C1QTNF2: variants seen among roughly 807,000 people sequenced by gnomAD.
C1QTNF2 encodes C1q and TNF related 2.
C1QTNF2 carries 15 observed loss-of-function variants against 17.4 expected under a neutral mutation model. The ratio of observed to expected loss-of-function variants is 0.86; its 90% CI spans 0.58 to 1.33. The LOEUF (loss-of-function observed/expected upper bound fraction) is 1.33. Ranked by LOEUF, C1QTNF2 falls within the 40% of genes most tolerant of loss-of-function variation. The pLI is 0.00. For synonymous variants in C1QTNF2, 154 were observed against 163.3 expected (o/e 0.94, Z 0.44); for missense variants, 381 against 392.3 (o/e 0.97, Z 0.24).
At chr5:160,354,597 A>AAAATATAT (rs769774870) in intron 2 of C1QTNF2, among the ~76,000 whole-genome samples, 171 bp downstream of exon 2, 2 of 89,306 alleles carry the variant, frequency 2.2e-5, no homozygotes, top group East Asian at 3.8e-4. Context: ...AAAAAAAAAA[A>AAAATATAT]GTATATATAT....
chr5:160,349,500 C>G lies in C1QTNF2; in HGVS notation c.526G>C (p.Glu176Gln), dbSNP rs150252952. The change falls in exon 3 of 3, where the codon GAG becomes CAG. Residue 176 changes from glutamate (E) to glutamine (Q), a missense_variant. Physicochemically the swap from Glu to Gln is conservative, Grantham distance 29. Coordinates refer to ENST00000652664, the MANE Select transcript of C1QTNF2 (RefSeq NM_031908.6). This position sits in a 1 kb window ranked among gnomAD's most constrained non-coding sequence, Gnocchi z 4.3. ...CTGGAAGCATTGTAGTGGCCACCCT[C>G]GTTCATCAGAATCTTGTCAAACTTG... The part of the protein sequence containing the change: ...PIKFDKILMN[E>Q]GGHYNASSGK... 1 of 1,614,070 alleles carries G rather than the reference C, an allele frequency of 6.2e-7. No individual in the cohort carries two copies.
Position 160,349,308 on chromosome 5 carries a change from C to A in C1QTNF2, c.718G>T (p.Ala240Ser). ...CAAACTTCGTCACCCTGCTTGAGAG[C>A]CAGGATGGTGGAGCCTGAGGCCACA... ...HDVASGSTILALKQGDEVWLQ... is the reference protein window; with the variant it reads ...HDVASGSTILSLKQGDEVWLQ... The change falls in exon 3 of 3, where the codon GCT becomes TCT. Residue 240 changes from alanine (A) to serine (S), a missense_variant. Physicochemically the swap from Ala to Ser is moderately conservative, Grantham distance 99. Transcript: ENST00000652664. This position sits in a 1 kb window ranked among gnomAD's most constrained non-coding sequence, Gnocchi z 4.3. The A allele has an allele frequency of 1.2e-6, 2 of 1,613,996 alleles. No homozygotes were observed. The highest frequency in any genetic ancestry group is 1.7e-6 in the Non-Finnish European group (2 of 1,180,000).
Position 160,349,290 on chromosome 5 carries a change from C to T in C1QTNF2, c.736G>A (p.Glu246Lys), listed in dbSNP as rs148128798. 3.7e-5 allele frequency: 60 copies of T among 1,613,982 alleles called. No homozygotes were observed. The highest frequency in any genetic ancestry group is 5.0e-5 in the Admixed American group (3 of 59,990). ...STILALKQGD[E>K]VWLQIFYSEQ... Reference sequence around the variant, plus strand: ...GAGTAGAAGATCTGCAGCCAAACTTCGTCACCCTGCTTGAGAGCCAGGATG... The same window carrying T: ...GAGTAGAAGATCTGCAGCCAAACTTTGTCACCCTGCTTGAGAGCCAGGATG... Residue 246 changes from glutamate (E) to lysine (K), a missense_variant, in exon 3 of 3, where the codon GAA becomes AAA. Transcript: ENST00000652664. This position sits in a 1 kb window ranked among gnomAD's most constrained non-coding sequence, Gnocchi z 4.3.
chr5:160,362,105 G>T (rs1764165616), intron 1 of C1QTNF2, among the ~76,000 whole-genome samples: 1 of 152,104 alleles, frequency 6.6e-6, no homozygotes, highest in Non-Finnish European at 1.5e-5. Flanking sequence ...AATAATCCAG[G>T]GTGGTCATAG....
intron 2 of C1QTNF2, among the ~76,000 whole-genome samples, chr5:160,353,661 A>G (rs559490804): frequency 1.3e-5 from 2 of 152,244 alleles, no homozygotes; most frequent in Non-Finnish European, 2.9e-5. Flanking sequence ...GGAGCCCAGC[A>G]GTGCTATTTC....
At chr5:160,350,837 G>A (rs1428264067) in intron 2 of C1QTNF2, among the ~76,000 whole-genome samples, 5 of 148,762 alleles carry the variant, frequency 3.4e-5, no homozygotes, top group African/African-American at 1.2e-4. Context: ...TGCAAGCTCC[G>A]CCTCCCAGGT....
intron 1 of C1QTNF2, among the ~76,000 whole-genome samples, chr5:160,359,215 T>C (rs535836382): frequency 2.6e-5 from 4 of 152,278 alleles, no homozygotes; most frequent in Admixed American, 6.5e-5. Flanking sequence ...AATCAGGGAT[T>C]AATGGAGATG....
intron 1 of C1QTNF2, among the ~76,000 whole-genome samples, chr5:160,364,283 A>G (rs1764208591): frequency 1.3e-5 from 2 of 152,154 alleles, no homozygotes; most frequent in South Asian, 4.1e-4. Flanking sequence ...TAGCTGTGTG[A>G]GTTCAGATGC....
At position 160,370,283 on chromosome 5, in the gene C1QTNF2, G is replaced by A. The variant is rs150428154; in HGVS notation, c.-10+229C>T. On this transcript the variant is annotated intron_variant, in intron 1 of 2. Transcript: ENST00000652664. Reference sequence around the variant, plus strand: ...ACTATTGTAACGGGTAAACCACTGGGCACAGAGCCTGGCACACAGTAAGGA... The same window carrying A: ...ACTATTGTAACGGGTAAACCACTGGACACAGAGCCTGGCACACAGTAAGGA... 5.3e-3 allele frequency among the ~76,000 whole-genome samples: 813 copies of A among 152,332 alleles called. 13 individuals carry two copies. Among genetic ancestry groups the A allele is most frequent in the African/African-American group, 0.019 (773 of 41,568 alleles).
intron 1 of C1QTNF2, among the ~76,000 whole-genome samples, chr5:160,367,422 C>T (rs1764267203): frequency 6.6e-6 from 1 of 152,156 alleles, no homozygotes; most frequent in Non-Finnish European, 1.5e-5. Context: ...CAGAATGGGA[C>T]TGTATTTAGA....
At chr5:160,358,803 T>C (rs946160084) in intron 1 of C1QTNF2, among the ~76,000 whole-genome samples, 10 of 150,910 alleles carry the variant, frequency 6.6e-5, no homozygotes, top group Admixed American at 4.0e-4. Context: ...ACATTGCTTT[T>C]TTTATCTCAC....
intron 1 of C1QTNF2, among the ~76,000 whole-genome samples, chr5:160,360,667 T>G (rs1457874503): frequency 2.0e-5 from 3 of 152,186 alleles, no homozygotes; most frequent in Non-Finnish European, 4.4e-5. Flanking sequence ...TAAATTGTCC[T>G]TTCTGGGGGT....
chr5:160,359,061 C>A (rs573980670), intron 1 of C1QTNF2, among the ~76,000 whole-genome samples: 1 of 152,314 alleles, frequency 6.6e-6, no homozygotes, highest in South Asian at 2.1e-4. Flanking sequence ...CAGGCGTGAG[C>A]CACCGCATCC....
intron 2 of C1QTNF2, among the ~76,000 whole-genome samples, chr5:160,354,451 C>T (rs1285885505): frequency 6.6e-6 from 1 of 151,416 alleles, no homozygotes; most frequent in African/African-American, 2.4e-5. Flanking sequence ...TGGTGGCATG[C>T]ATCTGTAATT....
In C1QTNF2 at chr5:160,354,778, G is replaced by T. The variant is rs543986035; in HGVS notation, c.234C>A (p.Ser78Arg). The T allele has an allele frequency of 6.2e-7, 1 of 1,613,546 alleles. No homozygotes were observed. The highest frequency in any genetic ancestry group is 8.5e-7 in the Non-Finnish European group (1 of 1,179,912). Reference sequence around the variant, plus strand: ...GTATAGGCCTCTTACCTTCCTCTCCGCTGTCCCCCCGGTCGCCGTCGTGTC... The same window carrying T: ...GTATAGGCCTCTTACCTTCCTCTCCTCTGTCCCCCCGGTCGCCGTCGTGTC... Reference protein sequence around the residue: ...QDGHDGDRGDSGEEGPPGRTG... With the variant: ...QDGHDGDRGDRGEEGPPGRTG... Residue 78 changes from serine (S) to arginine (R), a missense_variant, in exon 2 of 3, where the codon AGC becomes AGA. Ser to Arg is a moderately radical substitution (Grantham distance 110). Coordinates refer to ENST00000652664, the MANE Select transcript of C1QTNF2 (RefSeq NM_031908.6).
intron 2 of C1QTNF2, among the ~76,000 whole-genome samples, chr5:160,353,788 CTTTTTTTTTTTTT>C (rs200777932): frequency 1.5e-4 from 13 of 85,978 alleles, no homozygotes; most frequent in African/African-American, 1.9e-4. Flanking sequence ...ACTTCTCAGG[CTTTTTTTTTTTTT>C]TTTTTTTTTT....
intron 2 of C1QTNF2, among the ~76,000 whole-genome samples, chr5:160,354,423 A>G (rs1223791835): frequency 6.6e-6 from 1 of 151,486 alleles, no homozygotes; most frequent in Non-Finnish European, 1.5e-5. Context: ...ACTAAAAAAT[A>G]CAAAAATTAG....
rs909654456 is a variant in C1QTNF2 at position 160,355,338 on chromosome 5, G to C, written c.-9-318C>G. On this transcript the variant is annotated intron_variant, in intron 1 of 2. Transcript: ENST00000652664. Reference sequence around the variant, plus strand: ...TTATGACCCAGAGACTGATGACTGGGAGGAGCTGTGAATGGAGAGAAATGA... The same window carrying C: ...TTATGACCCAGAGACTGATGACTGGCAGGAGCTGTGAATGGAGAGAAATGA... 1.2e-5 allele frequency: 8 copies of C among 659,938 alleles called. No individual in the cohort carries two copies. The African/African-American group carries it at 1.6e-4, about 13-fold the overall frequency. 40.9% of individuals were successfully genotyped at this position (659,938 alleles called of 1,614,324 possible).
chr5:160,349,723 G>A lies in C1QTNF2; in HGVS notation c.303C>T (p.Ala101=), dbSNP rs370979072. 6.1e-5 allele frequency: 95 copies of A among 1,563,714 alleles called. No individual in the cohort carries two copies. Among genetic ancestry groups the A allele is most frequent in the Non-Finnish European group, 7.9e-5 (92 of 1,162,062 alleles). ...GKPGPKGKAG[A]IGRAGPRGPK... is the part of the protein sequence containing the mutation. ...GGCCACGGGGGCCAGCCCGCCCAAT[G>A]GCCCCGGCTTTGCCCTTTGGTCCTG... The change falls in exon 3 of 3, where the codon GCC becomes GCT. Residue 101 remains alanine (A), a synonymous_variant. Coordinates refer to ENST00000652664, the MANE Select transcript of C1QTNF2 (RefSeq NM_031908.6). This position sits in a 1 kb window ranked among gnomAD's most constrained non-coding sequence, Gnocchi z 4.3.
Sources: allele counts gnomAD v4.1 joint callset (sites outside exome capture counted in the v4.1 genomes callset), GRCh38; gene constraint gnomAD v4.1.1; non-coding constraint Gnocchi (gnomAD v3.1); transcripts MANE v1.5; gene names NCBI Gene and HGNC (gene_info 2026-07-23, HGNC 2026-07-21).